Variants in NPAS3 observed in about 807,000 individuals in gnomAD.
NPAS3 encodes neuronal PAS domain protein 3, also known as neuronal PAS domain-containing protein 3.
In NPAS3, 14 loss-of-function variants were observed where a neutral mutation model predicts 73.1. The observed-to-expected ratio is 0.19, with a 90% CI of 0.13 to 0.30. NPAS3 has a LOEUF of 0.30. Among genes scored for constraint, NPAS3 ranks in the 10% least tolerant of loss-of-function variants. NPAS3 has a pLI of 1.00. For synonymous variants in NPAS3, 620 were observed against 541.5 expected, an observed-to-expected ratio of 1.14 and a Z score of -2.01; for missense variants, 1,096 against 1,250.0, an observed-to-expected ratio of 0.88 and a Z score of 1.86.
At chr14:33,016,263 A>T (rs2039388497) in intron 1 of NPAS3, among the ~76,000 whole-genome samples, 1 of 152,162 alleles carries the variant, frequency 6.6e-6, no homozygotes, top group East Asian at 1.9e-4. Context: ...AAATAAAAAA[A>T]ATTTTTGCCC....
At position 33,168,494 on chromosome 14, in the gene NPAS3, TA is replaced by T. The variant is rs2045255654; in HGVS notation, c.141-46682del. ...GTCTGAGGAGGTAATTTGTAATTTT[TA>T]AAAAAGCTTTTGAGCTTACTTGGAG... On this transcript the variant is annotated intron_variant, in intron 2 of 11. Coordinates refer to ENST00000356141, the Ensembl canonical transcript of NPAS3. Among the ~76,000 whole-genome samples, 4 of 152,280 alleles carry T rather than the reference TA, an allele frequency of 2.6e-5. No homozygotes were observed. The South Asian group carries it at 8.3e-4, about 32-fold the overall frequency.
chr14:33,786,099 C>T (rs1407398453), intron 9 of NPAS3, among the ~76,000 whole-genome samples: 1 of 152,188 alleles, frequency 6.6e-6, no homozygotes, highest in African/African-American at 2.4e-5. Context: ...CTGTATCTGG[C>T]TTAAACAATC....
intron 5 of NPAS3, among the ~76,000 whole-genome samples, chr14:33,592,947 C>A (rs2057120015): frequency 1.3e-5 from 2 of 152,066 alleles, no homozygotes; most frequent in Admixed American, 1.3e-4. Flanking sequence ...TGCAAACTTA[C>A]CTAGGGAAAG....
At chr14:33,271,336 G>A (rs914055488) in intron 3 of NPAS3, among the ~76,000 whole-genome samples, 2 of 152,164 alleles carry the variant, frequency 1.3e-5, no homozygotes, top group African/African-American at 4.8e-5. Context: ...ACACAGAAAG[G>A]CAAAGGGAAA....
At chr14:33,471,736 T>G (rs1321795971) in intron 4 of NPAS3, among the ~76,000 whole-genome samples, 1 of 152,204 alleles carries the variant, frequency 6.6e-6, no homozygotes, top group African/African-American at 2.4e-5. Context: ...GTAGAAAGTT[T>G]GAATAAGGTT....
At chr14:33,682,699 T>A (rs1306008649) in intron 6 of NPAS3, among the ~76,000 whole-genome samples, 1 of 152,234 alleles carries the variant, frequency 6.6e-6, no homozygotes, top group Non-Finnish European at 1.5e-5. Context: ...CCATTGCTTT[T>A]TTCTGGTATG....
chr14:33,335,030 T>TTGTGTGCGTGCGTG (rs1555375964), intron 3 of NPAS3, among the ~76,000 whole-genome samples: 1 of 144,150 alleles, frequency 6.9e-6, no homozygotes, highest in African/African-American at 2.7e-5. Flanking sequence ...TGGTATTCCA[T>TTGTGTGCGTGCGTG]TGTGTGTGTG....
intron 4 of NPAS3, among the ~76,000 whole-genome samples, chr14:33,558,029 A>G (rs1229383270): frequency 1.3e-5 from 2 of 152,254 alleles, no homozygotes; most frequent in Non-Finnish European, 2.9e-5. Flanking sequence ...TGTGAAAATT[A>G]AAAGAGACAA....
intron 4 of NPAS3, among the ~76,000 whole-genome samples, chr14:33,449,210 G>A (rs2049670519): frequency 6.6e-6 from 1 of 152,190 alleles, no homozygotes; most frequent in Admixed American, 6.5e-5. Context: ...GACTGAGTAT[G>A]TTGAGTCCTA....
At chr14:33,587,813 A>G (rs1374129709) in intron 5 of NPAS3, among the ~76,000 whole-genome samples, 1 of 152,232 alleles carries the variant, frequency 6.6e-6, no homozygotes, top group Admixed American at 6.5e-5. Context: ...ATCATAAATT[A>G]TCATATAAAA....
At chr14:33,584,438 G>C in intron 5 of NPAS3, among the ~76,000 whole-genome samples, 2 of 150,164 alleles carry the variant, frequency 1.3e-5, no homozygotes, top group Non-Finnish European at 1.5e-5. Flanking sequence ...ATGAGAGAGA[G>C]CTACAGGGAA....
intron 4 of NPAS3, among the ~76,000 whole-genome samples, chr14:33,492,277 C>T (rs1202023041): frequency 6.6e-6 from 1 of 152,060 alleles, no homozygotes; most frequent in Non-Finnish European, 1.5e-5. Context: ...TTTCATGTTG[C>T]TGTGATAATA....
intron 3 of NPAS3, among the ~76,000 whole-genome samples, chr14:33,254,952 G>A (rs372658972): frequency 1.3e-5 from 2 of 151,514 alleles, no homozygotes; most frequent in Non-Finnish European, 1.5e-5. Context: ...AAACATTGGA[G>A]GAATTTGTAA....
At chr14:33,753,058 G>C (rs748995356) in intron 7 of NPAS3, among the ~76,000 whole-genome samples, 1 of 152,070 alleles carries the variant, frequency 6.6e-6, no homozygotes, top group African/African-American at 2.4e-5. Context: ...ACTTTGGTAC[G>C]GCTGATTCTT....
chr14:33,556,967 C>A (rs905049637), intron 4 of NPAS3, among the ~76,000 whole-genome samples: 1 of 152,148 alleles, frequency 6.6e-6, no homozygotes, highest in Admixed American at 6.5e-5. Flanking sequence ...GATTGTGTAC[C>A]AAGCCATGGC....
intron 2 of NPAS3, among the ~76,000 whole-genome samples, chr14:33,147,730 A>AAATATATATATATAT (rs372663411): frequency 6.9e-5 from 9 of 130,388 alleles, no homozygotes; most frequent in African/African-American, 2.6e-4. Flanking sequence ...TAGAATAAAA[A>AAATATATATATATAT]ATATATATAT....
intron 4 of NPAS3, among the ~76,000 whole-genome samples, chr14:33,464,717 G>T (rs780413243): frequency 1.3e-5 from 2 of 152,212 alleles, no homozygotes; most frequent in Non-Finnish European, 2.9e-5. Flanking sequence ...CATGAGGATT[G>T]TTCTTTGATT....
intron 3 of NPAS3, among the ~76,000 whole-genome samples, chr14:33,331,031 G>A (rs188643335): frequency 1.2e-4 from 19 of 152,312 alleles, no homozygotes; most frequent in Non-Finnish European, 5.9e-5. Context: ...GTGTGAAGGA[G>A]ATAAAACATT....
chr14:32,986,849 G>A (rs183128677), intron 1 of NPAS3, among the ~76,000 whole-genome samples: 12 of 152,238 alleles, frequency 7.9e-5, no homozygotes, highest in Admixed American at 5.2e-4. Context: ...AAATGAATGA[G>A]GCATGCATTC....
Sources: allele counts gnomAD v4.1 joint callset (sites outside exome capture counted in the v4.1 genomes callset), GRCh38; gene constraint gnomAD v4.1.1; transcripts MANE v1.5; gene names NCBI Gene and HGNC (gene_info 2026-07-23, HGNC 2026-07-21).